ACSL4: variants seen among roughly 807,000 people sequenced by gnomAD.
The protein encoded by ACSL4 is long-chain-fatty-acid--CoA ligase 4.
ACSL4 carries 9 observed loss-of-function variants against 49.1 expected under a neutral mutation model. The ratio of observed to expected loss-of-function variants is 0.18; its 90% CI spans 0.11 to 0.32. The LOEUF (loss-of-function observed/expected upper bound fraction) is 0.32, where lower values mean the gene tolerates loss of function less well. ACSL4 is among the 10% of genes least tolerant of loss of function. ACSL4 has a pLI of 1.00. For synonymous variants in ACSL4, 191 were observed against 170.3 expected, an observed-to-expected ratio of 1.12 and a Z score of -0.95; for missense variants, 333 against 493.7, an observed-to-expected ratio of 0.67 and a Z score of 3.08.
At chrX:109,688,068 C>G (rs922432985) in intron 2 of ACSL4, among the ~76,000 whole-genome samples, 2 of 112,142 alleles carry the variant, frequency 1.8e-5, no homozygotes, top group African/African-American at 6.5e-5. Context: ...CCGCACTAGT[C>G]CACTCACTGG....
intron 1 of ACSL4, among the ~76,000 whole-genome samples, chrX:109,702,175 A>T (rs1926018171): frequency 9.0e-6 from 1 of 110,944 alleles, no homozygotes; most frequent in African/African-American, 3.3e-5. Flanking sequence ...AGATTGCATC[A>T]TTGCACTCCA....
chrX:109,665,385 T>C, intron 12 of ACSL4, 35 bp downstream of exon 12: 2 of 1,134,559 alleles, frequency 1.8e-6, no homozygotes, highest in South Asian at 1.8e-5. Context: ...TTTCAGCATA[T>C]CTTGAATCAC....
chrX:109,677,959 T>C lies in ACSL4; in HGVS notation c.930+29A>G, dbSNP rs981271158. ...AGCCAAACCATGCAGCATCATACGA[T>C]CATGCCAATATACTGAAAAGTTTGT... is the stretch of plus-strand genomic sequence containing the variant. On this transcript the variant is annotated intron_variant, in intron 8 of 15. Coordinates refer to ENST00000672401, the MANE Select transcript of ACSL4 (RefSeq NM_001318510.2). 7 of 1,207,543 alleles carry C rather than the reference T, an allele frequency of 5.8e-6. No homozygotes were observed. The Admixed American group carries it at 1.5e-4, about 26-fold the overall frequency.
chrX:109,663,778 A>T (rs959719004), intron 12 of ACSL4, among the ~76,000 whole-genome samples: 1 of 111,148 alleles, frequency 9.0e-6, no homozygotes, highest in African/African-American at 3.3e-5. Flanking sequence ...TGCATTTCAA[A>T]TTTTTTCTAA....
intron 9 of ACSL4, among the ~76,000 whole-genome samples, chrX:109,673,348 T>C (rs1313086291): frequency 8.9e-6 from 1 of 111,819 alleles, no homozygotes; most frequent in Non-Finnish European, 1.9e-5. Flanking sequence ...CTTTATAAGA[T>C]AGAGTAACAG....
chrX:109,686,984 T>A (rs189344342), intron 2 of ACSL4, among the ~76,000 whole-genome samples: 1 of 112,121 alleles, frequency 8.9e-6, no homozygotes, highest in African/African-American at 3.2e-5. Flanking sequence ...GCTGCTCTGG[T>A]AGAGGAGGCT....
At position 109,641,389 on chromosome X, in the gene ACSL4, GAACA is replaced by G. The variant is rs1376645828; in HGVS notation, c.*2636_*2639del. ...GATTTGAGTGCAAACTTAAAAACAAGAACAAACAAAGCTTTTCATCAAGAATAAA... is the reference window on the plus strand; with the variant it reads ...GATTTGAGTGCAAACTTAAAAACAAGAACAAAGCTTTTCATCAAGAATAAA... On this transcript the variant is annotated 3_prime_UTR_variant, in exon 16 of 16. Transcript: ENST00000672401. 8.9e-6 allele frequency: 1 copy of G among 112,975 alleles called. No homozygotes were observed. The highest frequency in any genetic ancestry group is 1.9e-5 in the Non-Finnish European group (1 of 53,217). The allele number at this position is 112,975 out of a possible 1,213,427, so 9.3% of individuals were successfully genotyped here.
At chrX:109,645,692 GAGA>G (rs1421420445) in intron 15 of ACSL4, among the ~76,000 whole-genome samples, 1 of 112,378 alleles carries the variant, frequency 8.9e-6, no homozygotes, top group Admixed American at 9.4e-5. Context: ...GGCGAGCTGA[GAGA>G]AGAAGGCTTC....
At chrX:109,731,232 T>C (rs1435404982) in intron 1 of ACSL4, among the ~76,000 whole-genome samples, 1 of 110,955 alleles carries the variant, frequency 9.0e-6, no homozygotes, top group African/African-American at 3.3e-5. Flanking sequence ...AATTGCATTA[T>C]ATGTGTGTGT....
intron 15 of ACSL4, among the ~76,000 whole-genome samples, chrX:109,648,780 T>G (rs781080821): frequency 8.0e-5 from 8 of 100,388 alleles, no homozygotes; most frequent in African/African-American, 2.9e-4. Context: ...AAAACCCCAT[T>G]GTCTCAGCCC....
intron 1 of ACSL4, among the ~76,000 whole-genome samples, chrX:109,703,411 T>C (rs1452858944): frequency 8.9e-6 from 1 of 111,867 alleles, no homozygotes; most frequent in Non-Finnish European, 1.9e-5. Context: ...AAAGGACCCA[T>C]GGAAATGGTG....
At position 109,643,975 on chromosome X, in the gene ACSL4, G is replaced by T; in HGVS notation, c.*54C>A. 2 of 1,170,754 alleles carry T rather than the reference G, an allele frequency of 1.7e-6. No homozygotes were observed. The highest frequency in any genetic ancestry group is 2.3e-6 in the Non-Finnish European group (2 of 858,727). ...TTCAACAAAGGCTTAAAATTCTAGA[G>T]GTTGAAAACCACCAGGCTACCTCCT... On this transcript the variant is annotated 3_prime_UTR_variant, in exon 16 of 16. Coordinates refer to ENST00000672401, the MANE Select transcript of ACSL4 (RefSeq NM_001318510.2).
In ACSL4 at chrX:109,665,499, G is replaced by A; in HGVS notation, c.1316-5C>T. 1 of 1,188,059 alleles carries A rather than the reference G, an allele frequency of 8.4e-7. No homozygotes were observed. On this transcript the variant is annotated splice_polypyrimidine_tract_variant and splice_region_variant and intron_variant, in intron 11 of 15. Transcript: ENST00000672401. ...TGCCAGTAGTATAGTCAGTTACTGTGAGGGAAAAAGTAACAGAGATATTAG... is the reference window on the plus strand; with the variant it reads ...TGCCAGTAGTATAGTCAGTTACTGTAAGGGAAAAAGTAACAGAGATATTAG...
intron 15 of ACSL4, among the ~76,000 whole-genome samples, chrX:109,657,609 G>C (rs989394106): frequency 5.4e-5 from 6 of 111,316 alleles, no homozygotes; most frequent in African/African-American, 2.0e-4. Context: ...TCTTAATCCA[G>C]TCTATTATTG....
intron 12 of ACSL4, among the ~76,000 whole-genome samples, chrX:109,664,029 T>C (rs746786573): frequency 2.7e-5 from 3 of 111,450 alleles, no homozygotes; most frequent in Non-Finnish European, 5.7e-5. Context: ...TATACAAAAA[T>C]CTAAATTTGC....
chrX:109,652,267 G>C (rs1921209509), intron 15 of ACSL4, among the ~76,000 whole-genome samples: 1 of 111,782 alleles, frequency 8.9e-6, no homozygotes, highest in Admixed American at 9.5e-5. Context: ...ATTATAATTT[G>C]CAAAATGTTG....
At chrX:109,652,919 TCA>T (rs1171843917) in intron 15 of ACSL4, among the ~76,000 whole-genome samples, 1 of 111,767 alleles carries the variant, frequency 8.9e-6, no homozygotes, top group Non-Finnish European at 1.9e-5. Context: ...ATTTAAAACT[TCA>T]CAGTGTCTAG....
At chrX:109,656,357 A>G (rs1368390777) in intron 15 of ACSL4, among the ~76,000 whole-genome samples, 1 of 111,400 alleles carries the variant, frequency 9.0e-6, no homozygotes, top group Non-Finnish European at 1.9e-5. Flanking sequence ...TATAATCATA[A>G]AACACTATGT....
intron 15 of ACSL4, among the ~76,000 whole-genome samples, chrX:109,653,347 CT>C (rs1171299377): frequency 8.9e-6 from 1 of 111,764 alleles, no homozygotes; most frequent in African/African-American, 3.3e-5. Context: ...CACTTTTACA[CT>C]GTTGGTGGGA....
Sources: gnomAD v4.1 joint callset for allele counts (sites outside exome capture counted in the v4.1 genomes callset) on GRCh38, gnomAD v4.1.1 for gene constraint, MANE v1.5 for transcripts, NCBI Gene and HGNC (gene_info 2026-07-23, HGNC 2026-07-21) for gene names.